DLGAP1: variants seen among roughly 807,000 people sequenced by gnomAD.
DLGAP1 encodes DLG associated protein 1, also known as disks large-associated protein 1.
In DLGAP1, 11 loss-of-function variants were observed where a neutral mutation model predicts 90.8. The ratio of observed to expected loss-of-function variants is 0.12; its 90% confidence interval spans 0.08 to 0.20. DLGAP1 has a LOEUF of 0.20. DLGAP1 is among the 10% of genes least tolerant of loss of function. The pLI is 1.00. For missense variants in DLGAP1, 1,050 were observed against 1,333.8 expected (o/e 0.79, Z 3.31); for synonymous variants, 558 against 540.7 (o/e 1.03, Z -0.44).
intron 4 of DLGAP1, among the ~76,000 whole-genome samples, chr18:3,824,653 T>C (rs2067611128): frequency 6.6e-6 from 1 of 152,208 alleles, no homozygotes; most frequent in Non-Finnish European, 1.5e-5. Flanking sequence ...ATCATTAACT[T>C]ACATATTTGA....
At chr18:4,071,910 TAC>T (rs1303254766) in intron 2 of DLGAP1, among the ~76,000 whole-genome samples, 1 of 152,234 alleles carries the variant, frequency 6.6e-6, no homozygotes, top group Non-Finnish European at 1.5e-5. Flanking sequence ...CTCAGAGCTG[TAC>T]TTCAAGAGAG....
rs200498761 is a variant in DLGAP1, at chr18:3,565,834, C to CA, written c.2057+1655dup. Among the ~76,000 whole-genome samples, 1,083 of 148,684 alleles carry CA rather than the reference C, an allele frequency of 7.3e-3. 16 individuals are homozygous for CA. The highest frequency in any genetic ancestry group is 0.025 in the African/African-American group (1,007 of 39,968). On this transcript the variant is annotated intron_variant, in intron 9 of 12. Transcript: ENST00000315677. The surrounding 1 kb of genome is among the most constrained non-coding windows in gnomAD (Gnocchi z 4.0). ...TGGGCGACAGAGTGAGACTCTGTCTCAAAAAAACCACACACAAAAAACAAA... is the reference window on the plus strand; with the variant it reads ...TGGGCGACAGAGTGAGACTCTGTCTCAAAAAAAACCACACACAAAAAACAAA...
intron 1 of DLGAP1, among the ~76,000 whole-genome samples, chr18:4,191,328 T>A (rs944904393): frequency 6.6e-6 from 1 of 152,206 alleles, no homozygotes; most frequent in Non-Finnish European, 1.5e-5. Context: ...GACTTCTTTA[T>A]ATACATTTTC....
intron 4 of DLGAP1, among the ~76,000 whole-genome samples, chr18:3,841,987 G>C (rs570323540): frequency 3.3e-5 from 5 of 152,152 alleles, no homozygotes; most frequent in African/African-American, 1.2e-4. Context: ...TGCTATGAGA[G>C]CATATTGGGA....
intron 2 of DLGAP1, among the ~76,000 whole-genome samples, chr18:4,009,116 G>A (rs1231880554): frequency 6.6e-6 from 1 of 152,102 alleles, no homozygotes; most frequent in African/African-American, 2.4e-5. Context: ...TGTTAGCCAG[G>A]ATGGTTTCGA....
rs1427909276 is a variant in DLGAP1, at chr18:3,879,575, C to A, written c.494G>T (p.Gly165Val). 1.3e-6 allele frequency: 2 copies of A among 1,599,596 alleles called. No homozygotes were observed. Among genetic ancestry groups the A allele is most frequent in the Non-Finnish European group, 1.7e-6 (2 of 1,177,350 alleles). Reference protein sequence around the residue: ...LEGPSKGSVNGGKASPDEAQA... With the variant: ...LEGPSKGSVNVGKASPDEAQA... ...CGCCTCGTCAGGGCTGGCCTTGCCC[C>A]CGTTGACGCTGCCCTTGGACGGCCC... is the stretch of plus-strand genomic sequence containing the variant. Residue 165 changes from glycine (G) to valine (V), a missense_variant, in exon 4 of 13, where the codon GGG becomes GTG. By Grantham distance (109) the Gly-to-Val change is moderately radical. Coordinates refer to ENST00000315677, the MANE Select transcript of DLGAP1 (RefSeq NM_004746.4). The surrounding 1 kb of genome is among the most constrained non-coding windows in gnomAD (Gnocchi z 6.6).
intron 2 of DLGAP1, among the ~76,000 whole-genome samples, chr18:4,143,613 G>C (rs561030214): frequency 6.6e-6 from 1 of 152,060 alleles, no homozygotes; most frequent in South Asian, 2.1e-4. Context: ...ACTCCACTGT[G>C]AGCAAGCTAG....
intron 3 of DLGAP1, among the ~76,000 whole-genome samples, chr18:3,885,917 A>T (rs1038957422): frequency 4.6e-5 from 7 of 152,194 alleles, no homozygotes; most frequent in Admixed American, 3.3e-4. Context: ...GGAAATTTTC[A>T]AGGTAGGTAA....
At chr18:4,330,893 C>G (rs952379490) in intron 1 of DLGAP1, among the ~76,000 whole-genome samples, 1 of 151,718 alleles carries the variant, frequency 6.6e-6, no homozygotes, top group Non-Finnish European at 1.5e-5. Flanking sequence ...ATACTCTTTC[C>G]AATTTTCTCT....
At chr18:3,963,583 GTT>G (rs35099419) in intron 3 of DLGAP1, among the ~76,000 whole-genome samples, 36,361 of 117,442 alleles carry the variant, frequency 0.31, 4,955 homozygotes, top group Non-Finnish European at 0.37. Flanking sequence ...ACTTTGGGCT[GTT>G]TTTTTTTTTT....
chr18:4,217,214 G>T (rs1424513555), intron 1 of DLGAP1, among the ~76,000 whole-genome samples: 1 of 152,126 alleles, frequency 6.6e-6, no homozygotes, highest in East Asian at 1.9e-4. Flanking sequence ...AGGTTTGGCT[G>T]CTCATTTCTT....
intron 1 of DLGAP1, among the ~76,000 whole-genome samples, chr18:4,232,285 A>T (rs181434632): frequency 0.016 from 2,464 of 152,220 alleles, 28 homozygotes; most frequent in Non-Finnish European, 0.024. Flanking sequence ...ATTTTTTTTT[A>T]AAATCACATT....
At chr18:4,139,266 A>G (rs754389234) in intron 2 of DLGAP1, among the ~76,000 whole-genome samples, 1 of 151,748 alleles carries the variant, frequency 6.6e-6, no homozygotes, top group Non-Finnish European at 1.5e-5. Context: ...ATAGCTATAA[A>G]CTTTCCTTTT....
intron 3 of DLGAP1, among the ~76,000 whole-genome samples, chr18:3,893,807 A>G (rs916026503): frequency 3.3e-5 from 5 of 151,960 alleles, no homozygotes; most frequent in Admixed American, 2.6e-4. Flanking sequence ...TTTTTCATAG[A>G]GGTTATACTA....
At chr18:3,777,628 C>T (rs1156429143) in intron 5 of DLGAP1, among the ~76,000 whole-genome samples, 1 of 150,376 alleles carries the variant, frequency 6.6e-6, no homozygotes, top group Non-Finnish European at 1.5e-5. Flanking sequence ...ATGATCATCT[C>T]CTCTTGAAAA....
intron 1 of DLGAP1, among the ~76,000 whole-genome samples, chr18:4,357,605 A>G (rs547680552): frequency 7.1e-4 from 108 of 152,342 alleles, no homozygotes; most frequent in African/African-American, 2.5e-3. Flanking sequence ...CTATTTCCAA[A>G]TAAGAGAAGA....
chr18:3,659,761 T>C (rs142613577), intron 7 of DLGAP1, among the ~76,000 whole-genome samples: 3,561 of 152,184 alleles, frequency 0.023, 151 homozygotes, highest in African/African-American at 0.08. Flanking sequence ...AGACAGGGTT[T>C]CACCATGTTG....
intron 2 of DLGAP1, among the ~76,000 whole-genome samples, chr18:4,045,144 C>A (rs1009450463): frequency 6.6e-6 from 1 of 151,922 alleles, no homozygotes; most frequent in African/African-American, 2.4e-5. Flanking sequence ...TCCTCCACGC[C>A]GAGCCACTCT....
intron 4 of DLGAP1, among the ~76,000 whole-genome samples, chr18:3,814,693 C>T (rs1400497055): frequency 1.3e-5 from 2 of 152,148 alleles, no homozygotes; most frequent in Non-Finnish European, 2.9e-5. Context: ...TTATAGAGTA[C>T]ATGAGCTATT....
Sources: gnomAD v4.1 joint callset for allele counts (sites outside exome capture counted in the v4.1 genomes callset) on GRCh38, gnomAD v4.1.1 for gene constraint, Gnocchi (gnomAD v3.1) non-coding constraint, MANE v1.5 for transcripts, NCBI Gene and HGNC (gene_info 2026-07-23, HGNC 2026-07-21) for gene names.